The following EHMT1 variants were observed in gnomAD, a reference collection of about 807,000 sequenced individuals.
EHMT1 encodes histone-lysine N-methyltransferase EHMT1.
Under a neutral mutation model 147.2 loss-of-function variants are expected in EHMT1, and 15 were observed. That is an observed-to-expected ratio of 0.10 (90% CI 0.07 to 0.16). The LOEUF (loss-of-function observed/expected upper bound fraction) is 0.16. Ranked by LOEUF, EHMT1 falls within the 10% of genes least tolerant of loss-of-function variation. The pLI is 1.00. For synonymous variants in EHMT1, 795 were observed against 709.6 expected, an observed-to-expected ratio of 1.12 and a Z score of -1.91; for missense variants, 1,587 against 1,772.4, an observed-to-expected ratio of 0.90 and a Z score of 1.88.
At chr9:137,811,222 T>C (rs759155795) in intron 18 of EHMT1, among the ~76,000 whole-genome samples, 1 of 152,132 alleles carries the variant, frequency 6.6e-6, no homozygotes, top group Non-Finnish European at 1.5e-5. Flanking sequence ...ACTTTTATAA[T>C]TATGTTATTT....
At chr9:137,774,142 C>T (rs550758327) in intron 10 of EHMT1, among the ~76,000 whole-genome samples, 1 of 152,366 alleles carries the variant, frequency 6.6e-6, no homozygotes, top group African/African-American at 2.4e-5. Context: ...CATTGTACCG[C>T]TGCCCACTGC....
chr9:137,829,021 G>C (rs1956015864), intron 25 of EHMT1, among the ~76,000 whole-genome samples: 1 of 152,142 alleles, frequency 6.6e-6, no homozygotes, highest in African/African-American at 2.4e-5. Flanking sequence ...CCAGGCCCGG[G>C]TGTCTGTACA....
chr9:137,816,185 T>C (rs1954904961), intron 23 of EHMT1, 123 bp downstream of exon 23: 2 of 879,496 alleles, frequency 2.3e-6, no homozygotes, highest in East Asian at 2.6e-5. Context: ...TGTTTGCAGA[T>C]AGAGCCGACA....
At chr9:137,783,504 G>A (rs1296821204) in intron 15 of EHMT1, among the ~76,000 whole-genome samples, 4 of 152,192 alleles carry the variant, frequency 2.6e-5, no homozygotes, top group African/African-American at 9.7e-5. Context: ...GTTTTATGCT[G>A]CTGTGTTTTA....
Position 137,731,729 on chromosome 9 carries a change from C to T in EHMT1, c.823+3200C>T, listed in dbSNP as rs1387276211. 6.6e-6 allele frequency among the ~76,000 whole-genome samples: 1 copy of T among 152,130 alleles called. No individual in the cohort carries two copies. The highest frequency in any genetic ancestry group is 1.5e-5 in the Non-Finnish European group (1 of 68,028). ...TCGGCCCAGCAGGCTGTACTTGGCT[C>T]ATGCTACCGGCCCAGATCCCACACC... On this transcript the variant is annotated intron_variant, in intron 4 of 26. Coordinates refer to ENST00000460843, the MANE Select transcript of EHMT1 (RefSeq NM_024757.5). The surrounding 1 kb of genome is among the most constrained non-coding windows in gnomAD (Gnocchi z 4.3).
chr9:137,758,339 A>T (rs1949543301), intron 9 of EHMT1, among the ~76,000 whole-genome samples: 1 of 152,354 alleles, frequency 6.6e-6, no homozygotes, highest in Admixed American at 6.5e-5. Context: ...GCATCTCAGG[A>T]CACACGGGGA....
At chr9:137,643,233 A>G (rs1844622296) in intron 1 of EHMT1, among the ~76,000 whole-genome samples, 1 of 146,942 alleles carries the variant, frequency 6.8e-6, no homozygotes, top group South Asian at 2.1e-4. Context: ...GTGTCCTTTC[A>G]TTTATCCTGA....
rs545471266 is a variant in EHMT1, at chr9:137,789,395, C to G, written c.2383-1453C>G. Among the ~76,000 whole-genome samples the G allele has an allele frequency of 3.3e-5, 5 of 152,366 alleles. No individual in the cohort carries two copies. The South Asian group carries it at 1.0e-3, about 32-fold the overall frequency. On this transcript the variant is annotated intron_variant, in intron 15 of 26. Coordinates refer to ENST00000460843, the MANE Select transcript of EHMT1 (RefSeq NM_024757.5). Reference sequence around the variant, plus strand: ...TTTTTGGGGTCTGGGGGAGCAGCCTCTGTGTGCTGAGCGTGCGGGCAGAGC... The same window carrying G: ...TTTTTGGGGTCTGGGGGAGCAGCCTGTGTGTGCTGAGCGTGCGGGCAGAGC...
intron 15 of EHMT1, chr9:137,784,193 A>G: frequency 6.4e-7 from 1 of 1,550,810 alleles, no homozygotes; most frequent in Non-Finnish European, 8.7e-7. Context: ...ACAGCCAGGA[A>G]CCACGCCAAG....
intron 1 of EHMT1, among the ~76,000 whole-genome samples, chr9:137,649,554 CT>C (rs1331351688): frequency 6.6e-6 from 1 of 152,198 alleles, no homozygotes; most frequent in Non-Finnish European, 1.5e-5. Context: ...GACGTAGGAT[CT>C]TTGCAGATGT....
intron 1 of EHMT1, among the ~76,000 whole-genome samples, chr9:137,625,364 T>C (rs557130084): frequency 5.3e-5 from 8 of 152,088 alleles, no homozygotes; most frequent in Middle Eastern, 3.4e-3. Context: ...TAGGAGGTTT[T>C]TTGTTGTTGT....
At chr9:137,644,739 A>G (rs1488204208) in intron 1 of EHMT1, among the ~76,000 whole-genome samples, 2 of 152,196 alleles carry the variant, frequency 1.3e-5, no homozygotes, top group African/African-American at 4.8e-5. Flanking sequence ...CCCCTGATTG[A>G]GATCTAGTCA....
At position 137,710,137 on chromosome 9, in the gene EHMT1, T is replaced by C. The variant is rs1020607578; in HGVS notation, c.22-830T>C. Among the ~76,000 whole-genome samples the C allele has an allele frequency of 2.0e-5, 3 of 151,450 alleles. No individual in the cohort carries two copies. In the East Asian group the frequency reaches 5.8e-4, roughly 29 times the overall value. ...TTCTCCAACCAGACTCTAAGCTTCT[T>C]GAAGGCAAGGATTTTTGTGTAAAAA... On this transcript the variant is annotated intron_variant, in intron 1 of 26. Coordinates refer to ENST00000460843, the MANE Select transcript of EHMT1 (RefSeq NM_024757.5).
Position 137,672,075 on chromosome 9 carries a change from C to T in EHMT1, c.22-38892C>T, listed in dbSNP as rs181497849. ...CATACAGATGTGAAGCATTATTTACCTTTCGCTCTCATTCTGTGCTGAGTG... is the reference window on the plus strand; with the variant it reads ...CATACAGATGTGAAGCATTATTTACTTTTCGCTCTCATTCTGTGCTGAGTG... On this transcript the variant is annotated intron_variant, in intron 1 of 26. Coordinates refer to ENST00000460843, the MANE Select transcript of EHMT1 (RefSeq NM_024757.5). Among the ~76,000 whole-genome samples, 868 of 152,348 alleles carry T rather than the reference C, an allele frequency of 5.7e-3. 7 individuals carry two copies. Among genetic ancestry groups the T allele is most frequent in the Non-Finnish European group, 9.9e-3 (671 of 68,032 alleles).
Position 137,834,846 on chromosome 9 carries a change from C to G in EHMT1, c.3790C>G (p.Arg1264Gly), listed in dbSNP as rs771865409. ...FSCRCGSPKC[R>G]HSSAALAQRQ... ...CTGCCGCTGCGGCTCCCCCAAGTGCCGGCACTCGAGCGCGGCCCTGGCCCA... is the reference window on the plus strand; with the variant it reads ...CTGCCGCTGCGGCTCCCCCAAGTGCGGGCACTCGAGCGCGGCCCTGGCCCA... The change falls in exon 27 of 27, where the codon CGG becomes GGG. Residue 1264 changes from arginine to glycine, a missense_variant. This residue lies in a region of EHMT1 where 141 missense variants were observed against 150.8 expected (regional missense o/e 0.94). Coordinates refer to ENST00000460843, the MANE Select transcript of EHMT1 (RefSeq NM_024757.5). The G allele has an allele frequency of 6.2e-7, 1 of 1,612,214 alleles. No homozygotes were observed. Among genetic ancestry groups the G allele is most frequent in the Non-Finnish European group, 8.5e-7 (1 of 1,179,606 alleles).
intron 10 of EHMT1, among the ~76,000 whole-genome samples, chr9:137,766,165 A>G (rs1385094372): frequency 6.6e-6 from 1 of 152,190 alleles, no homozygotes; most frequent in Non-Finnish European, 1.5e-5. Context: ...GTTTAGCCCA[A>G]AATGAAGGGC....
chr9:137,659,029 T>C (rs540759031), intron 1 of EHMT1, among the ~76,000 whole-genome samples: 1 of 152,306 alleles, frequency 6.6e-6, no homozygotes, highest in South Asian at 2.1e-4. Flanking sequence ...TTTGAGTCAA[T>C]TGAATGTGTG....
At position 137,814,416 on chromosome 9, in the gene EHMT1, C is replaced by T. The variant is rs766140415; in HGVS notation, c.3181-15C>T. The T allele has an allele frequency of 3.7e-5, 59 of 1,611,576 alleles. No homozygotes were observed. Among genetic ancestry groups the T allele is most frequent in the Middle Eastern group, 1.6e-4 (1 of 6,084 alleles). On this transcript the variant is annotated splice_polypyrimidine_tract_variant and intron_variant, in intron 21 of 26. Transcript: ENST00000460843. ...TGTGCCTGCACGTCTGACCCCCCGG[C>T]GCCTCTCTTCTCAGTACTGCGTGTG... is the stretch of plus-strand genomic sequence containing the variant.
At chr9:137,833,958 C>T (rs887376299) in intron 25 of EHMT1, 2 of 288,520 alleles carry the variant, frequency 6.9e-6, no homozygotes, top group Admixed American at 4.7e-5. Flanking sequence ...GCCCCTGCCA[C>T]TGCCTCACGG....
Sources: allele counts gnomAD v4.1 joint callset (sites outside exome capture counted in the v4.1 genomes callset), GRCh38; gene constraint gnomAD v4.1.1; regional missense constraint gnomAD v4.1.1; non-coding constraint Gnocchi (gnomAD v3.1); transcripts MANE v1.5; gene names NCBI Gene and HGNC (gene_info 2026-07-23, HGNC 2026-07-21).